Variants in ZNF638 observed in about 807,000 individuals in gnomAD.
The protein encoded by ZNF638 is CTCL tumor antigen se33-1.
ZNF638 carries 46 observed loss-of-function variants against 195.6 expected under a neutral mutation model. The ratio of observed to expected loss-of-function variants is 0.24; its 90% CI spans 0.19 to 0.30. The LOEUF (loss-of-function observed/expected upper bound fraction) is 0.30, where lower values mean the gene tolerates loss of function less well. Ranked by LOEUF, ZNF638 falls within the 10% of genes least tolerant of loss-of-function variation. The pLI, the probability that ZNF638 is intolerant of heterozygous loss-of-function variation, is 1.00. For synonymous variants in ZNF638, 845 were observed against 772.0 expected, an observed-to-expected ratio of 1.09 and a Z score of -1.57; for missense variants, 2,440 against 2,325.3, an observed-to-expected ratio of 1.05 and a Z score of -1.01.
At chr2:71,418,312 GAT>G (rs1289354145) in intron 20 of ZNF638, 1 of 238,712 alleles carries the variant, frequency 4.2e-6, no homozygotes, top group Non-Finnish European at 7.9e-6. Context: ...TTAGGGAAAA[GAT>G]AGAATTTCCA....
intron 15 of ZNF638, among the ~76,000 whole-genome samples, chr2:71,400,877 A>T (rs186572381): frequency 1.4e-4 from 21 of 152,300 alleles, no homozygotes; most frequent in Admixed American, 3.9e-4. Context: ...AATGGGAGAT[A>T]TGTTAATGGT....
At chr2:71,431,248 A>T in intron 25 of ZNF638, 79 bp from the exon 26 acceptor site, 1 of 1,252,188 alleles carries the variant, frequency 8.0e-7, no homozygotes, top group Non-Finnish European at 1.1e-6. Context: ...AGAAAGAAAA[A>T]GGTAAGAATT....
At chr2:71,362,984 G>A (rs2079134346) in intron 3 of ZNF638, among the ~76,000 whole-genome samples, 169 bp from the exon 4 acceptor site, 1 of 151,940 alleles carries the variant, frequency 6.6e-6, no homozygotes, top group Non-Finnish European at 1.5e-5. Context: ...GTGTTTCCCT[G>A]ATACACCTAT....
intron 3 of ZNF638, among the ~76,000 whole-genome samples, chr2:71,360,808 T>G (rs2079096729): frequency 6.6e-6 from 1 of 152,204 alleles, no homozygotes; most frequent in Non-Finnish European, 1.5e-5. Context: ...TCTTAATAGT[T>G]AATGTTATAC....
At position 71,400,482 on chromosome 2, in the gene ZNF638, T is replaced by C; in HGVS notation, c.2661T>C (p.Ala887=). The part of the protein sequence containing the change: ...ENCAKEAISD[A]ALEATENEPL... ...TTAATTTTATTTTGTATTAAGATGCTGCTTTGGAGGCCACAGAGAATGAAC... is the reference window on the plus strand; with the variant it reads ...TTAATTTTATTTTGTATTAAGATGCCGCTTTGGAGGCCACAGAGAATGAAC... Residue 887 remains alanine, a synonymous_variant, in exon 15 of 28, where the codon GCT becomes GCC. Coordinates refer to ENST00000264447, the MANE Select transcript of ZNF638 (RefSeq NM_014497.5). 6.2e-7 allele frequency: 1 copy of C among 1,605,066 alleles called. No homozygotes were observed. The highest frequency in any genetic ancestry group is 8.5e-7 in the Non-Finnish European group (1 of 1,177,236).
At chr2:71,392,365 A>C (rs1192847148) in intron 10 of ZNF638, among the ~76,000 whole-genome samples, 1 of 152,086 alleles carries the variant, frequency 6.6e-6, no homozygotes, top group Non-Finnish European at 1.5e-5. Context: ...TCCCTCACTC[A>C]ATCTGGATTT....
chr2:71,395,456 G>A (rs758703513), intron 10 of ZNF638: 15 of 616,814 alleles, frequency 2.4e-5, no homozygotes, highest in Non-Finnish European at 4.4e-5. Context: ...GAGAATAAAG[G>A]CTGAAGGCAG....
chr2:71,416,702 G>A (rs931510361), intron 20 of ZNF638, among the ~76,000 whole-genome samples: 3 of 90,114 alleles, frequency 3.3e-5, no homozygotes, highest in African/African-American at 9.6e-5. Context: ...TAACAGACAG[G>A]ACCCTCAGCT....
At chr2:71,430,270 T>C (rs868141257) in intron 25 of ZNF638, among the ~76,000 whole-genome samples, 4 of 152,060 alleles carry the variant, frequency 2.6e-5, no homozygotes, top group Admixed American at 2.0e-4. Context: ...GGAACAGATA[T>C]GTTTGGGAAA....
Position 71,349,287 on chromosome 2 carries a change from T to G in ZNF638, c.333T>G (p.Ser111=), listed in dbSNP as rs777855142. The G allele has an allele frequency of 3.7e-6, 6 of 1,614,054 alleles. No homozygotes were observed. The African/African-American group carries it at 6.7e-5, about 18-fold the overall frequency. The change falls in exon 2 of 28, where the codon TCT becomes TCG. Residue 111 remains serine, a synonymous_variant. Coordinates refer to ENST00000264447, the MANE Select transcript of ZNF638 (RefSeq NM_014497.5). The part of the protein sequence containing the change: ...GSRWDDEPHI[S]ASVAVKQSSV... ...GGTGGGATGATGAGCCTCATATATC[T>G]GCATCAGTGGCAGTGAAACAGAGTT...
intron 19 of ZNF638, among the ~76,000 whole-genome samples, chr2:71,406,836 C>A (rs1250722451): frequency 1.3e-5 from 2 of 151,780 alleles, no homozygotes; most frequent in African/African-American, 4.8e-5. Flanking sequence ...GTCGTCTCTA[C>A]AAAAAGTTTA....
In ZNF638 at chr2:71,433,250, C is replaced by G; in HGVS notation, c.5838C>G (p.His1946Gln). The part of the protein sequence containing the change: ...FYSGEKAMTN[H>Q]CKSTRHKQNT... Reference sequence around the variant, plus strand: ...CAGGTGAAAAAGCAATGACAAATCACTGCAAGAGTACACGTCATAAGCAAA... The same window carrying G: ...CAGGTGAAAAAGCAATGACAAATCAGTGCAAGAGTACACGTCATAAGCAAA... Residue 1946 changes from histidine to glutamine, a missense_variant, in exon 27 of 28, where the codon CAC becomes CAG. Around this residue, in one of 5 missense-constraint regions of ZNF638, gnomAD observed 1,883 missense variants for 1,739.1 expected, o/e 1.08. Coordinates refer to ENST00000264447, the MANE Select transcript of ZNF638 (RefSeq NM_014497.5). 1 of 1,613,978 alleles carries G rather than the reference C, an allele frequency of 6.2e-7. No individual in the cohort carries two copies. The highest frequency in any genetic ancestry group is 8.5e-7 in the Non-Finnish European group (1 of 1,179,850).
intron 4 of ZNF638, 116 bp downstream of exon 4, chr2:71,363,307 A>G: frequency 1.3e-6 from 1 of 741,620 alleles, no homozygotes; most frequent in Non-Finnish European, 2.2e-6. Context: ...CAACAGGCAA[A>G]TGCAAAAACC....
chr2:71,399,984 TGTTTGGCTTATGTCAG>T (rs2079973722), intron 13 of ZNF638, 112 bp from the exon 14 acceptor site: 2 of 676,696 alleles, frequency 3.0e-6, no homozygotes, highest in Non-Finnish European at 4.6e-6. Flanking sequence ...CAAAGAGAGA[TGTTTGGCTTATGTCAG>T]GTCAGCCTAA....
intron 10 of ZNF638, chr2:71,393,740 C>T (rs758197037): frequency 3.5e-4 from 229 of 648,688 alleles, no homozygotes; most frequent in Non-Finnish European, 6.0e-4. Context: ...TTAGATCCGC[C>T]TTTCTTACGC....
chr2:71,347,876 C>T lies in ZNF638; in HGVS notation c.-202-877C>T, dbSNP rs868856728. ...AGATAACCTTGAATACAAATCTCAGCACAGTCACTTTTCTTTGTAAGTTAC... is the reference window on the plus strand; with the variant it reads ...AGATAACCTTGAATACAAATCTCAGTACAGTCACTTTTCTTTGTAAGTTAC... On this transcript the variant is annotated intron_variant, in intron 1 of 27. Coordinates refer to ENST00000264447, the MANE Select transcript of ZNF638 (RefSeq NM_014497.5). Among the ~76,000 whole-genome samples, 10 of 152,318 alleles carry T rather than the reference C, an allele frequency of 6.6e-5. 1 individual carries two copies. Among genetic ancestry groups the T allele is most frequent in the African/African-American group, 2.4e-4 (10 of 41,568 alleles).
intron 11 of ZNF638, among the ~76,000 whole-genome samples, chr2:71,396,444 A>G (rs957418883): frequency 2.6e-5 from 4 of 152,104 alleles, no homozygotes; most frequent in Non-Finnish European, 4.4e-5. Flanking sequence ...TTTCTCTTTT[A>G]TTGAGGTCTC....
intron 16 of ZNF638, among the ~76,000 whole-genome samples, chr2:71,402,449 A>T (rs1308981231): frequency 6.6e-6 from 1 of 152,108 alleles, no homozygotes; most frequent in East Asian, 1.9e-4. Flanking sequence ...ATACATAAGT[A>T]TATATATGAG....
chr2:71,336,185 A>G (rs750827217), intron 1 of ZNF638, among the ~76,000 whole-genome samples: 1 of 152,130 alleles, frequency 6.6e-6, no homozygotes, highest in Non-Finnish European at 1.5e-5. Context: ...CAGCCTGACC[A>G]ACATGGAGAA....
Sources: allele counts gnomAD v4.1 joint callset (sites outside exome capture counted in the v4.1 genomes callset), GRCh38; gene constraint gnomAD v4.1.1; regional missense constraint gnomAD v4.1.1; transcripts MANE v1.5; gene names NCBI Gene and HGNC (gene_info 2026-07-23, HGNC 2026-07-21).